MAP3K1: variants seen among roughly 807,000 people sequenced by gnomAD.
The protein encoded by MAP3K1 is mitogen-activated protein kinase kinase kinase 1, also known as MAP/ERK kinase kinase 1.
MAP3K1 carries 36 observed loss-of-function variants against 144.2 expected under a neutral mutation model. The observed-to-expected ratio is 0.25, with a 90% CI of 0.19 to 0.33. The LOEUF (loss-of-function observed/expected upper bound fraction) is 0.33. Ranked by LOEUF, MAP3K1 falls within the 10% of genes least tolerant of loss-of-function variation. The pLI is 1.00. For synonymous variants in MAP3K1, 718 were observed against 688.7 expected (o/e 1.04, Z -0.67); for missense variants, 1,650 against 1,881.9 (o/e 0.88, Z 2.28).
chr5:56,870,999 C>A (rs887128063), intron 6 of MAP3K1, among the ~76,000 whole-genome samples: 1 of 152,084 alleles, frequency 6.6e-6, no homozygotes, highest in African/African-American at 2.4e-5. Flanking sequence ...CAGATGTTAC[C>A]AATCTATTAT....
At chr5:56,816,670 C>T (rs947340096) in intron 1 of MAP3K1, among the ~76,000 whole-genome samples, 2 of 152,082 alleles carry the variant, frequency 1.3e-5, no homozygotes, top group African/African-American at 4.8e-5. Context: ...CCCCCAGCGC[C>T]GGCCGCAGGG....
intron 1 of MAP3K1, among the ~76,000 whole-genome samples, chr5:56,826,363 A>G (rs1227173997): frequency 2.0e-5 from 3 of 152,148 alleles, no homozygotes; most frequent in Admixed American, 6.5e-5. Flanking sequence ...TTTTTTCTCT[A>G]TCATTGTACA....
At chr5:56,876,915 T>G (rs986440878) in intron 10 of MAP3K1, among the ~76,000 whole-genome samples, 1 of 152,184 alleles carries the variant, frequency 6.6e-6, no homozygotes, top group South Asian at 2.1e-4. Flanking sequence ...TAAAGCATAT[T>G]CTGTGGAAGT....
Position 56,815,801 on chromosome 5 carries a change from G to A in MAP3K1, c.228G>A (p.Gln76=), listed in dbSNP as rs560095837. 1.4e-6 allele frequency: 2 copies of A among 1,423,990 alleles called. No individual in the cohort carries two copies. The highest frequency in any genetic ancestry group is 1.4e-5 in the South Asian group (1 of 72,136). 88.2% of individuals were successfully genotyped at this position (1,423,990 alleles called of 1,614,324 possible). A position where few individuals can be genotyped will look rare whatever the true frequency, so the allele number is the denominator to read the frequency against. The stretch of plus-strand genomic sequence containing the variant: ...TGGAGCTGGACCAGCTGCCTGAGCA[G>A]CCGCTCTTCCTTGCCGCCTCACCGC... ...RSVELDQLPE[Q]PLFLAASPPA... The change falls in exon 1 of 20, where the codon CAG becomes CAA. Residue 76 remains glutamine, a synonymous_variant. Transcript: ENST00000399503.
intron 2 of MAP3K1, among the ~76,000 whole-genome samples, chr5:56,858,454 A>G (rs1361607617): frequency 2.0e-5 from 3 of 152,264 alleles, no homozygotes; most frequent in African/African-American, 4.8e-5. Context: ...AATAAGATGC[A>G]TAACACATAG....
intron 18 of MAP3K1, 127 bp downstream of exon 18, chr5:56,887,647 T>C: frequency 1.0e-6 from 1 of 1,001,670 alleles, no homozygotes. Flanking sequence ...GCCCTTAAAA[T>C]ACGGTTTTAA....
At chr5:56,861,205 T>C (rs73135071) in intron 3 of MAP3K1, among the ~76,000 whole-genome samples, 4,503 of 152,294 alleles carry the variant, frequency 0.03, 243 homozygotes, top group African/African-American at 0.1. Flanking sequence ...AGTTTGTTGA[T>C]GTGGTTTCAG....
In MAP3K1 at chr5:56,815,555, A is replaced by C; in HGVS notation, c.-19A>C. On this transcript the variant is annotated 5_prime_UTR_variant, in exon 1 of 20. An upstream start codon of the reference 5' UTR is lost. Transcript: ENST00000399503. ...TCCCTCCCTCGCAGGGGCCGAGCGA[A>C]TGTAGCCCGCGAGAGAAAATGGCGG... is the stretch of plus-strand genomic sequence containing the variant. 2 of 1,292,250 alleles carry C rather than the reference A, an allele frequency of 1.5e-6. No individual in the cohort carries two copies. Among genetic ancestry groups the C allele is most frequent in the Non-Finnish European group, 2.0e-6 (2 of 1,022,950 alleles). 80.0% of individuals were successfully genotyped at this position (1,292,250 alleles called of 1,614,324 possible).
At chr5:56,885,795 A>G (rs2111957010) in intron 16 of MAP3K1, 137 bp from the exon 17 acceptor site, 1 of 713,494 alleles carries the variant, frequency 1.4e-6, no homozygotes, top group Non-Finnish European at 2.4e-6. Flanking sequence ...ATACAGGAAT[A>G]TGTTAGTTTT....
chr5:56,878,945 T>A (rs1378828737), intron 10 of MAP3K1, 35 bp from the exon 11 acceptor site: 2 of 1,609,708 alleles, frequency 1.2e-6, no homozygotes, highest in Non-Finnish European at 1.7e-6. Flanking sequence ...GCTTTTTAAG[T>A]GTACATAAAC....
intron 1 of MAP3K1, among the ~76,000 whole-genome samples, chr5:56,830,823 G>A (rs1298608417): frequency 6.6e-6 from 1 of 151,554 alleles, no homozygotes; most frequent in Non-Finnish European, 1.5e-5. Flanking sequence ...ATTGGTTAAA[G>A]AGTTTAAAAA....
chr5:56,883,261 G>C (rs1748282684), intron 14 of MAP3K1, among the ~76,000 whole-genome samples: 1 of 152,194 alleles, frequency 6.6e-6, no homozygotes, highest in East Asian at 1.9e-4. Flanking sequence ...TTCAGAAGCA[G>C]AGTTTTCCAC....
At chr5:56,880,032 A>G (rs529996981) in intron 11 of MAP3K1, among the ~76,000 whole-genome samples, 1 of 152,320 alleles carries the variant, frequency 6.6e-6, no homozygotes, top group South Asian at 2.1e-4. Context: ...TGTTTTCTCT[A>G]TAGATTGAAA....
chr5:56,856,913 T>G (rs1747360373), intron 2 of MAP3K1, among the ~76,000 whole-genome samples, 163 bp downstream of exon 2: 2 of 152,240 alleles, frequency 1.3e-5, no homozygotes, highest in African/African-American at 4.8e-5. Flanking sequence ...ATTAAAACTG[T>G]GCTCATTAAA....
chr5:56,850,654 G>A (rs996444658), intron 1 of MAP3K1, among the ~76,000 whole-genome samples: 4 of 152,130 alleles, frequency 2.6e-5, no homozygotes, highest in African/African-American at 9.7e-5. Flanking sequence ...AACCTGTGGG[G>A]GTTTGAATCT....
At chr5:56,842,609 A>C (rs574105939) in intron 1 of MAP3K1, among the ~76,000 whole-genome samples, 43 of 152,336 alleles carry the variant, frequency 2.8e-4, no homozygotes, top group African/African-American at 9.9e-4. Context: ...ATCCATGTTC[A>C]TTTAAAAAGT....
intron 3 of MAP3K1, among the ~76,000 whole-genome samples, chr5:56,860,128 T>G (rs1411978990): frequency 2.0e-5 from 3 of 152,138 alleles, no homozygotes; most frequent in Non-Finnish European, 4.4e-5. Flanking sequence ...GTTTGCCTCT[T>G]TCCCTGCATT....
At chr5:56,854,299 G>A (rs755747952) in intron 1 of MAP3K1, among the ~76,000 whole-genome samples, 7 of 151,836 alleles carry the variant, frequency 4.6e-5, no homozygotes, top group Non-Finnish European at 7.4e-5. Context: ...CAGGCGTGGT[G>A]GCACATGCCT....
chr5:56,856,641 A>G lies in MAP3K1; in HGVS notation c.524A>G (p.Lys175Arg). 2 of 1,613,996 alleles carry G rather than the reference A, an allele frequency of 1.2e-6. No homozygotes were observed. Among genetic ancestry groups the G allele is most frequent in the South Asian group, 1.1e-5 (1 of 91,086 alleles). ...ENKETLKGLH[K>R]MDDRPEERMI... ...AAAGAAACTCTCAAAGGGTTGCACA[A>G]GATGGATGATCGTCCAGAGGAACGA... The change falls in exon 2 of 20, where the codon AAG becomes AGG. Residue 175 changes from lysine (K) to arginine (R), a missense_variant. Lys to Arg is a conservative substitution (Grantham distance 26). This residue lies in a region of MAP3K1 where 360 missense variants were observed against 274.7 expected (regional missense o/e 1.31). Coordinates refer to ENST00000399503, the MANE Select transcript of MAP3K1 (RefSeq NM_005921.2).
Sources: gnomAD v4.1 joint callset for allele counts (sites outside exome capture counted in the v4.1 genomes callset) on GRCh38, gnomAD v4.1.1 for gene constraint, gnomAD v4.1.1 regional missense constraint, MANE v1.5 for transcripts, NCBI Gene and HGNC (gene_info 2026-07-23, HGNC 2026-07-21) for gene names.